The following FER variants were observed in gnomAD, a reference collection of about 807,000 sequenced individuals.
FER encodes the protein tyrosine-protein kinase Fer.
Under a neutral mutation model 111.0 loss-of-function variants are expected in FER, and 63 were observed. That is an observed-to-expected ratio of 0.57 (90% CI 0.46 to 0.70). The LOEUF (loss-of-function observed/expected upper bound fraction) is 0.70. Ranked by LOEUF, FER falls within the 30% of genes least tolerant of loss-of-function variation. FER has a pLI of 0.00. For missense variants in FER, 914 were observed against 954.0 expected (o/e 0.96, Z 0.55); for synonymous variants, 327 against 313.9 (o/e 1.04, Z -0.44).
At chr5:109,128,749 T>C (rs1208258850) in intron 17 of FER, among the ~76,000 whole-genome samples, 1 of 152,142 alleles carries the variant, frequency 6.6e-6, no homozygotes, top group Admixed American at 6.5e-5. Flanking sequence ...TTAAATGAGT[T>C]ATTATTTTAA....
At chr5:108,939,978 G>A (rs1384451470) in intron 10 of FER, among the ~76,000 whole-genome samples, 1 of 152,010 alleles carries the variant, frequency 6.6e-6, no homozygotes, top group Non-Finnish European at 1.5e-5. Flanking sequence ...TATGTACTTA[G>A]TAATCTTTAT....
chr5:109,117,435 T>G (rs76716695), intron 17 of FER, among the ~76,000 whole-genome samples: 4,111 of 152,222 alleles, frequency 0.027, 214 homozygotes, highest in African/African-American at 0.094. Flanking sequence ...CATTTTGTGA[T>G]AAACTCATAT....
At chr5:109,164,567 C>T (rs1756340232) in intron 17 of FER, among the ~76,000 whole-genome samples, 1 of 152,114 alleles carries the variant, frequency 6.6e-6, no homozygotes, top group Non-Finnish European at 1.5e-5. Context: ...TTGCTCTTAA[C>T]TATGTGTCTT....
At chr5:109,140,316 A>G (rs566656774) in intron 17 of FER, among the ~76,000 whole-genome samples, 1 of 152,336 alleles carries the variant, frequency 6.6e-6, no homozygotes, top group African/African-American at 2.4e-5. Flanking sequence ...CTGAAGCACC[A>G]TTAACAGCAT....
At chr5:109,169,442 G>C (rs577401994) in intron 17 of FER, among the ~76,000 whole-genome samples, 1 of 152,148 alleles carries the variant, frequency 6.6e-6, no homozygotes, top group South Asian at 2.1e-4. Context: ...GCAATCATAG[G>C]ACTGAAGGGA....
At chr5:108,972,502 T>A (rs1026839133) in intron 13 of FER, among the ~76,000 whole-genome samples, 1 of 152,218 alleles carries the variant, frequency 6.6e-6, no homozygotes, top group Non-Finnish European at 1.5e-5. Flanking sequence ...GTCTTCTTCC[T>A]CAGCTTACAT....
chr5:109,117,219 A>G (rs1269723783), intron 17 of FER, among the ~76,000 whole-genome samples: 1 of 152,164 alleles, frequency 6.6e-6, no homozygotes, highest in African/African-American at 2.4e-5. Flanking sequence ...TATCTTTACC[A>G]TTAAATGTTT....
At chr5:109,173,569 A>T (rs576564364) in intron 17 of FER, among the ~76,000 whole-genome samples, 11 of 152,106 alleles carry the variant, frequency 7.2e-5, no homozygotes, top group Non-Finnish European at 1.3e-4. Flanking sequence ...CCAGTGCCCA[A>T]ATTGACTATT....
At chr5:109,185,917 A>C (rs924653167) in intron 18 of FER, among the ~76,000 whole-genome samples, 1 of 152,230 alleles carries the variant, frequency 6.6e-6, no homozygotes, top group African/African-American at 2.4e-5. Context: ...ATAGCATGTT[A>C]CTGTATTGAA....
intron 8 of FER, among the ~76,000 whole-genome samples, chr5:108,879,154 T>G (rs1045889055): frequency 1.3e-5 from 2 of 152,112 alleles, no homozygotes; most frequent in African/African-American, 4.8e-5. Flanking sequence ...GGTCATTTTA[T>G]GACTTTTAAC....
At position 109,194,183 on chromosome 5, in the gene FER, AG is replaced by A. The variant is rs1285081823; in HGVS notation, c.*6609del. The A allele has an allele frequency of 6.6e-6, 1 of 152,196 alleles. No homozygotes were observed. Among genetic ancestry groups the A allele is most frequent in the African/African-American group, 2.4e-5 (1 of 41,436 alleles). 9.4% of individuals were successfully genotyped at this position (152,196 alleles called of 1,614,324 possible). On this transcript the variant is annotated 3_prime_UTR_variant, in exon 20 of 20. Coordinates refer to ENST00000281092, the MANE Select transcript of FER (RefSeq NM_005246.4). ...TTATCTTAAACTCCTGGACATACTC[AG>A]TTCTTCCATTCCACTGTTCTATTGC...
chr5:109,057,319 G>C (rs747853171), intron 16 of FER, among the ~76,000 whole-genome samples: 8 of 152,088 alleles, frequency 5.3e-5, no homozygotes, highest in African/African-American at 9.7e-5. Context: ...CAAAAACAGG[G>C]AATAGTGATA....
intron 16 of FER, among the ~76,000 whole-genome samples, chr5:109,062,258 C>G (rs888434152): frequency 1.3e-5 from 2 of 152,172 alleles, no homozygotes; most frequent in Admixed American, 1.3e-4. Context: ...CGTAGTGGCT[C>G]ACGCCTGTAA....
chr5:109,133,842 A>G (rs935391542), intron 17 of FER, among the ~76,000 whole-genome samples: 12 of 152,260 alleles, frequency 7.9e-5, no homozygotes, highest in African/African-American at 1.9e-4. Context: ...GATTGCATCA[A>G]ATGTTGCTGA....
Position 108,954,857 on chromosome 5 carries a change from T to C in FER, c.1458T>C (p.His486=). ...KQGDFLVRES[H]GKPGEYVLSV... is the part of the protein sequence containing the mutation. ...GAGACTTTTTGGTGCGAGAGAGTCA[T>C]GGGAAACCTGGTGAATATGTCCTTT... The change falls in exon 12 of 20, where the codon CAT becomes CAC. Residue 486 remains histidine, a synonymous_variant. Transcript: ENST00000281092. 3 of 1,612,076 alleles carry C rather than the reference T, an allele frequency of 1.9e-6. No individual in the cohort carries two copies. The South Asian group carries it at 3.3e-5, about 18-fold the overall frequency.
intron 13 of FER, among the ~76,000 whole-genome samples, chr5:108,964,969 A>G (rs921175189): frequency 6.6e-6 from 1 of 152,196 alleles, no homozygotes; most frequent in Non-Finnish European, 1.5e-5. Context: ...TTGAAAAGAC[A>G]TAAGAGTGAT....
At chr5:108,997,704 G>T (rs1262685104) in intron 13 of FER, among the ~76,000 whole-genome samples, 1 of 152,116 alleles carries the variant, frequency 6.6e-6, no homozygotes, top group East Asian at 1.9e-4. Flanking sequence ...GGCAGGGACG[G>T]TTATGTCTGC....
At chr5:109,147,932 T>C (rs1754423781) in intron 17 of FER, among the ~76,000 whole-genome samples, 1 of 151,972 alleles carries the variant, frequency 6.6e-6, no homozygotes, top group Non-Finnish European at 1.5e-5. Flanking sequence ...ATCACTTTCG[T>C]AACTAGAGAA....
intron 5 of FER, among the ~76,000 whole-genome samples, chr5:108,843,759 C>T (rs143820493): frequency 1.3e-5 from 2 of 151,860 alleles, no homozygotes; most frequent in Non-Finnish European, 2.9e-5. Context: ...TGTCTCTTGA[C>T]CTCGTAATCC....
Sources: gnomAD v4.1 joint callset for allele counts (sites outside exome capture counted in the v4.1 genomes callset) on GRCh38, gnomAD v4.1.1 for gene constraint, MANE v1.5 for transcripts, NCBI Gene and HGNC (gene_info 2026-07-23, HGNC 2026-07-21) for gene names.